Variants in ANKRD29 observed in about 807,000 individuals in gnomAD.
ANKRD29 encodes ankyrin repeat domain 29.
In ANKRD29, 32 loss-of-function variants were observed where a neutral mutation model predicts 38.0. The ratio of observed to expected loss-of-function variants is 0.84; its 90% CI spans 0.64 to 1.13. ANKRD29 has a LOEUF of 1.13. ANKRD29 is among the 50% of genes most tolerant of loss of function. ANKRD29 has a pLI of 0.00. For synonymous variants in ANKRD29, 135 were observed against 152.4 expected, an observed-to-expected ratio of 0.89 and a Z score of 0.84; for missense variants, 357 against 377.9, an observed-to-expected ratio of 0.94 and a Z score of 0.46.
chr18:23,614,651 T>C (rs1488645330), intron 8 of ANKRD29, among the ~76,000 whole-genome samples: 2 of 135,416 alleles, frequency 1.5e-5, no homozygotes, highest in African/African-American at 5.7e-5. Flanking sequence ...CTGGGCAACA[T>C]AGCGAGACCC....
At chr18:23,645,354 T>G (rs979870500) in intron 3 of ANKRD29, among the ~76,000 whole-genome samples, 1 of 152,166 alleles carries the variant, frequency 6.6e-6, no homozygotes, top group African/African-American at 2.4e-5. Flanking sequence ...TGTGGGCAGA[T>G]CACGAGGTCA....
intron 1 of ANKRD29, among the ~76,000 whole-genome samples, chr18:23,653,150 TG>T (rs2060231545): frequency 6.6e-6 from 1 of 152,254 alleles, no homozygotes; most frequent in Non-Finnish European, 1.5e-5. Context: ...CTGTAGTAAG[TG>T]CACTCTATGA....
At chr18:23,648,177 C>T (rs1450955406) in intron 2 of ANKRD29, among the ~76,000 whole-genome samples, 3 of 152,176 alleles carry the variant, frequency 2.0e-5, no homozygotes, top group African/African-American at 7.2e-5. Flanking sequence ...CAGAGGAAAG[C>T]GAGTCTGCTG....
At chr18:23,642,631 G>T (rs1251767067) in intron 3 of ANKRD29, among the ~76,000 whole-genome samples, 3 of 152,198 alleles carry the variant, frequency 2.0e-5, no homozygotes, top group African/African-American at 7.2e-5. Flanking sequence ...AGCAACACTT[G>T]GGCAGAAGGC....
intron 7 of ANKRD29, among the ~76,000 whole-genome samples, chr18:23,618,127 T>C (rs1294898509): frequency 6.6e-6 from 1 of 152,228 alleles, no homozygotes; most frequent in Non-Finnish European, 1.5e-5. Context: ...CAAGAGCATA[T>C]TTTTAGGCCA....
intron 1 of ANKRD29, among the ~76,000 whole-genome samples, chr18:23,651,788 A>G (rs2060213970): frequency 6.6e-6 from 1 of 152,216 alleles, no homozygotes; most frequent in Non-Finnish European, 1.5e-5. Flanking sequence ...AGGTTCTAGA[A>G]ACCAAGCTTT....
At chr18:23,615,856 A>G (rs1325257145) in intron 8 of ANKRD29, among the ~76,000 whole-genome samples, 4 of 149,152 alleles carry the variant, frequency 2.7e-5, no homozygotes, top group Non-Finnish European at 5.9e-5. Flanking sequence ...ATATTACTAG[A>G]CATAAATATT....
At chr18:23,604,914 T>A (rs2059556801) in intron 9 of ANKRD29, among the ~76,000 whole-genome samples, 5 of 152,100 alleles carry the variant, frequency 3.3e-5, no homozygotes, top group Admixed American at 3.3e-4. Context: ...ACACAGAATT[T>A]TATTTTATTT....
chr18:23,611,872 A>G (rs1384843385), intron 9 of ANKRD29, among the ~76,000 whole-genome samples: 1 of 133,670 alleles, frequency 7.5e-6, no homozygotes, highest in African/African-American at 2.7e-5. Flanking sequence ...GTTAAAAAAG[A>G]AAAAAAAAAA....
At chr18:23,602,233 C>T (rs576688153) in intron 9 of ANKRD29, among the ~76,000 whole-genome samples, 5 of 151,922 alleles carry the variant, frequency 3.3e-5, no homozygotes, top group East Asian at 1.9e-4. Flanking sequence ...GATGGGGTTT[C>T]GCCATTTAGC....
intron 4 of ANKRD29, among the ~76,000 whole-genome samples, chr18:23,636,420 CCTGA>C (rs1334634363): frequency 6.6e-6 from 1 of 151,968 alleles, no homozygotes; most frequent in Non-Finnish European, 1.5e-5. Flanking sequence ...CATCACAATA[CCTGA>C]CTAATTTTTT....
intron 3 of ANKRD29, among the ~76,000 whole-genome samples, chr18:23,644,772 T>C (rs1006723790): frequency 4.6e-5 from 7 of 152,258 alleles, no homozygotes; most frequent in Non-Finnish European, 7.3e-5. Context: ...AGTACAATCA[T>C]GGCTCACTGC....
intron 9 of ANKRD29, among the ~76,000 whole-genome samples, chr18:23,603,991 C>G (rs111979449): frequency 0.036 from 5,413 of 151,944 alleles, 167 homozygotes; most frequent in South Asian, 0.13. Flanking sequence ...TATAGGTGCA[C>G]ACCACCATGC....
chr18:23,658,391 G>C (rs1351267021), intron 1 of ANKRD29, among the ~76,000 whole-genome samples: 1 of 152,194 alleles, frequency 6.6e-6, no homozygotes, highest in Non-Finnish European at 1.5e-5. Context: ...GACAGAGTGA[G>C]ACCCTGTCTC....
intron 1 of ANKRD29, among the ~76,000 whole-genome samples, chr18:23,658,235 T>C (rs1385142629): frequency 6.6e-6 from 1 of 152,096 alleles, no homozygotes; most frequent in Non-Finnish European, 1.5e-5. Context: ...GGGAGACCCC[T>C]ATCTCTACAA....
At chr18:23,634,827 A>G (rs1019183217) in intron 4 of ANKRD29, among the ~76,000 whole-genome samples, 2 of 152,206 alleles carry the variant, frequency 1.3e-5, no homozygotes, top group African/African-American at 4.8e-5. Context: ...GAATCATCAG[A>G]AAAGCCTCCC....
At chr18:23,613,394 A>G (rs1337484717) in intron 8 of ANKRD29, among the ~76,000 whole-genome samples, 1 of 150,716 alleles carries the variant, frequency 6.6e-6, no homozygotes, top group Non-Finnish European at 1.5e-5. Flanking sequence ...CTGGTCGCCA[A>G]CTCCTGAGCT....
chr18:23,636,980 T>C (rs1192091913), intron 4 of ANKRD29, among the ~76,000 whole-genome samples: 1 of 152,220 alleles, frequency 6.6e-6, no homozygotes, highest in Non-Finnish European at 1.5e-5. Context: ...CTCTCAGCCC[T>C]CTCTTCTTCC....
intron 4 of ANKRD29, among the ~76,000 whole-genome samples, chr18:23,636,911 G>T (rs908648586): frequency 6.6e-6 from 1 of 152,162 alleles, no homozygotes; most frequent in African/African-American, 2.4e-5. Context: ...AGATTTAGTA[G>T]CAGTGAGAAC....
Sources: allele counts gnomAD v4.1 joint callset (sites outside exome capture counted in the v4.1 genomes callset), GRCh38; gene constraint gnomAD v4.1.1; transcripts MANE v1.5; gene names NCBI Gene and HGNC (gene_info 2026-07-23, HGNC 2026-07-21).